The following LAMTOR1 variants were observed in gnomAD, a reference collection of about 807,000 sequenced individuals.
LAMTOR1 encodes the protein late endosomal/lysosomal adaptor, MAPK and MTOR activator 1.
A neutral mutation model predicts 20.5 loss-of-function variants in LAMTOR1; 8 were observed. That is an observed-to-expected ratio of 0.39 (90% CI 0.23 to 0.70). The LOEUF (loss-of-function observed/expected upper bound fraction) is 0.70, where lower values mean the gene tolerates loss of function less well. LAMTOR1 is among the 30% of genes least tolerant of loss of function. The pLI is 0.43. For missense variants in LAMTOR1, 135 were observed against 206.2 expected (o/e 0.65, Z 2.11); for synonymous variants, 77 against 80.9 (o/e 0.95, Z 0.26).
At chr11:72,098,142 C>A (rs967407085) in intron 4 of LAMTOR1, 147 bp downstream of exon 4, 1 of 1,112,952 alleles carries the variant, frequency 9.0e-7, no homozygotes, top group Non-Finnish European at 1.3e-6. Flanking sequence ...GTTAAGAGAA[C>A]GAGGTGGGAG....
chr11:72,102,733 G>A (rs1357321665), intron 1 of LAMTOR1, among the ~76,000 whole-genome samples: 1 of 152,132 alleles, frequency 6.6e-6, no homozygotes. Flanking sequence ...CCTTCCTTCT[G>A]CAACCCCAGG....
chr11:72,098,362 G>A lies in LAMTOR1; in HGVS notation c.320C>T (p.Pro107Leu), dbSNP rs370829479. The A allele has an allele frequency of 2.8e-5, 45 of 1,612,576 alleles. No homozygotes were observed. Among genetic ancestry groups the A allele is most frequent in the South Asian group, 5.5e-5 (5 of 90,754 alleles). ...SSLTHWKKLP[P>L]LPSLTSQPHQ... ...GGGCTGGCTGGTAAGAGACGGCAGCGGTGGCAGCTTCTTCCAATGGGTCAG... is the reference window on the plus strand; with the variant it reads ...GGGCTGGCTGGTAAGAGACGGCAGCAGTGGCAGCTTCTTCCAATGGGTCAG... Residue 107 changes from proline to leucine, a missense_variant, in exon 4 of 5, where the codon CCG becomes CTG. Coordinates refer to ENST00000278671, the MANE Select transcript of LAMTOR1 (RefSeq NM_017907.3).
At position 72,097,465 on chromosome 11, in the gene LAMTOR1, GCAGGAGTGAC is replaced by G; in HGVS notation, c.*347_*356del. ...GTGAGCACCAAGTCAGGGAGAGGGG[GCAGGAGTGAC>G]TCTGAGGCCAACAGAGAGGGTGGGA... On this transcript the variant is annotated 3_prime_UTR_variant, in exon 5 of 5. Coordinates refer to ENST00000278671, the MANE Select transcript of LAMTOR1 (RefSeq NM_017907.3). 1 of 1,056,368 alleles carries G rather than the reference GCAGGAGTGAC, an allele frequency of 9.5e-7. No homozygotes were observed. Among genetic ancestry groups the G allele is most frequent in the Non-Finnish European group, 1.1e-6 (1 of 872,168 alleles). 65.4% of individuals were successfully genotyped at this position (1,056,368 alleles called of 1,614,324 possible).
intron 1 of LAMTOR1, among the ~76,000 whole-genome samples, chr11:72,100,261 A>C (rs1945390656): frequency 6.6e-6 from 1 of 152,140 alleles, no homozygotes; most frequent in South Asian, 2.1e-4. Flanking sequence ...ACCCCATCTC[A>C]AAACAAACAA....
Position 72,097,734 on chromosome 11 carries a change from T to C in LAMTOR1, c.*88A>G, listed in dbSNP as rs927372248. 6.2e-7 allele frequency: 1 copy of C among 1,606,040 alleles called. No homozygotes were observed. The highest frequency in any genetic ancestry group is 8.5e-7 in the Non-Finnish European group (1 of 1,176,660). The stretch of plus-strand genomic sequence containing the variant: ...TGTGATTAGTAGCAGGTTAGGGTAC[T>C]GTATAAGCCGCAGTGAGGCTGGGGG... On this transcript the variant is annotated 3_prime_UTR_variant, in exon 5 of 5. Coordinates refer to ENST00000278671, the MANE Select transcript of LAMTOR1 (RefSeq NM_017907.3).
chr11:72,099,824 C>G (rs1472338965), intron 1 of LAMTOR1, among the ~76,000 whole-genome samples: 8 of 152,182 alleles, frequency 5.3e-5, no homozygotes. Flanking sequence ...GGAATCCCAG[C>G]CCAGCTCTGG....
intron 2 of LAMTOR1, 77 bp from the exon 3 acceptor site, chr11:72,098,935 C>T (rs1357321032): frequency 7.2e-7 from 1 of 1,381,238 alleles, no homozygotes; most frequent in Non-Finnish European, 9.9e-7. Context: ...CAGGTACCAA[C>T]TCCAGGGCTA....
chr11:72,097,444 G>A lies in LAMTOR1; in HGVS notation c.*378C>T. ...ACAAACCCTAGTGAGGTGCATGTGAGCACCAAGTCAGGGAGAGGGGGCAGG... is the reference window on the plus strand; with the variant it reads ...ACAAACCCTAGTGAGGTGCATGTGAACACCAAGTCAGGGAGAGGGGGCAGG... On this transcript the variant is annotated 3_prime_UTR_variant, in exon 5 of 5. Transcript: ENST00000278671. 4 of 1,033,550 alleles carry A rather than the reference G, an allele frequency of 3.9e-6. No individual in the cohort carries two copies. The highest frequency in any genetic ancestry group is 4.7e-6 in the Non-Finnish European group (4 of 858,182). 64.0% of individuals were successfully genotyped at this position (1,033,550 alleles called of 1,614,324 possible).
chr11:72,097,317 GGGT>G lies in LAMTOR1; in HGVS notation c.*502_*504del. 1.0e-6 allele frequency: 1 copy of G among 995,162 alleles called. No individual in the cohort carries two copies. The allele number at this position is 995,162 out of a possible 1,614,324, so 61.6% of individuals were successfully genotyped here. A position where few individuals can be genotyped will look rare whatever the true frequency, so the allele number is the denominator to read the frequency against. Reference sequence around the variant, plus strand: ...TGGATGAATATACTTCCTTTATCGAGGGTGACAAACCAAAACAAAAAAAGACCA... The same window carrying G: ...TGGATGAATATACTTCCTTTATCGAGGACAAACCAAAACAAAAAAAGACCA... On this transcript the variant is annotated 3_prime_UTR_variant, in exon 5 of 5. Transcript: ENST00000278671.
chr11:72,097,352 T>C lies in LAMTOR1; in HGVS notation c.*470A>G. The C allele has an allele frequency of 2.0e-6, 2 of 995,620 alleles. No individual in the cohort carries two copies. Among genetic ancestry groups the C allele is most frequent in the Non-Finnish European group, 2.4e-6 (2 of 835,314 alleles). The allele number at this position is 995,620 out of a possible 1,614,324, so 61.7% of individuals were successfully genotyped here. A position where few individuals can be genotyped will look rare whatever the true frequency, so the allele number is the denominator to read the frequency against. ...CCAAAACAAAAAAAGACCAAACATG[T>C]AAAAACCCAGGGTTCTAGAAATACA... On this transcript the variant is annotated 3_prime_UTR_variant, in exon 5 of 5. Coordinates refer to ENST00000278671, the MANE Select transcript of LAMTOR1 (RefSeq NM_017907.3).
At position 72,098,244 on chromosome 11, in the gene LAMTOR1, G is replaced by C. The variant is rs749135163; in HGVS notation, c.393+45C>G. The C allele has an allele frequency of 8.7e-6, 14 of 1,610,786 alleles. No individual in the cohort carries two copies. In the East Asian group the frequency reaches 3.1e-4, roughly 36 times the overall value. On this transcript the variant is annotated intron_variant, in intron 4 of 4. Transcript: ENST00000278671. ...TGGGTGAACCCTCTGCCATACCCTGGGCAGTGTGAGAAGGGTGGGCAGGGG... is the reference window on the plus strand; with the variant it reads ...TGGGTGAACCCTCTGCCATACCCTGCGCAGTGTGAGAAGGGTGGGCAGGGG...
Position 72,097,887 on chromosome 11 carries a change from T to G in LAMTOR1, c.421A>C (p.Ser141Arg), listed in dbSNP as rs532540825. The G allele has an allele frequency of 6.2e-7, 1 of 1,608,160 alleles. No homozygotes were observed. The highest frequency in any genetic ancestry group is 1.7e-5 in the Admixed American group (1 of 59,750). Residue 141 changes from serine (S) to arginine (R), a missense_variant, in exon 5 of 5, where the codon AGT becomes CGT. By Grantham distance (110) the Ser-to-Arg change is moderately radical. Transcript: ENST00000278671. Reference protein sequence around the residue: ...QVSRIAAYAYSALSQIRVDAK... With the variant: ...QVSRIAAYAYRALSQIRVDAK... ...TCCACACGGATCTGAGAAAGTGCAC[T>G]GTAGGCATAAGCAGCTATCCTGGAG... is the stretch of plus-strand genomic sequence containing the variant.
chr11:72,098,209 T>C, intron 4 of LAMTOR1, 80 bp downstream of exon 4: 1 of 1,568,756 alleles, frequency 6.4e-7, no homozygotes, highest in Non-Finnish European at 8.7e-7. Flanking sequence ...CTACCTCCTC[T>C]GAGGCAGAGT....
Position 72,103,263 on chromosome 11 carries a change from G to A in LAMTOR1, c.-39C>T, listed in dbSNP as rs774212605. 8.4e-6 allele frequency: 13 copies of A among 1,548,368 alleles called. No homozygotes were observed. The highest frequency in any genetic ancestry group is 1.8e-4 in the Middle Eastern group (1 of 5,622). On this transcript the variant is annotated 5_prime_UTR_variant, in exon 1 of 5. Transcript: ENST00000278671. ...CCGGGCGCTCAGGCCGCGCCGAGGA[G>A]GGACGGCGTCCGTGAGGAGCCCTTC...
In LAMTOR1 at chr11:72,098,843, C is replaced by A; in HGVS notation, c.204G>T (p.Val68=). Residue 68 remains valine (V), a synonymous_variant, in exon 3 of 5, where the codon GTG becomes GTT. Coordinates refer to ENST00000278671, the MANE Select transcript of LAMTOR1 (RefSeq NM_017907.3). The stretch of plus-strand genomic sequence containing the variant: ...CCATGCCCTGTGAGTCTGCAGCAGA[C>A]ACATCAATGATGTTGCTATGGGGAG... ...LAKTASNIID[V]SAADSQGMEQ... is the part of the protein sequence containing the mutation. The A allele has an allele frequency of 1.3e-6, 2 of 1,550,746 alleles. No individual in the cohort carries two copies. The highest frequency in any genetic ancestry group is 2.4e-5 in the East Asian group (1 of 40,912).
At chr11:72,101,422 T>C (rs1303653776) in intron 1 of LAMTOR1, among the ~76,000 whole-genome samples, 2 of 152,166 alleles carry the variant, frequency 1.3e-5, no homozygotes, top group African/African-American at 4.8e-5. Flanking sequence ...ATGGATAAAG[T>C]ACATGGCCTA....
intron 1 of LAMTOR1, among the ~76,000 whole-genome samples, chr11:72,101,470 G>A (rs1945436426): frequency 6.6e-6 from 1 of 152,182 alleles, no homozygotes; most frequent in Non-Finnish European, 1.5e-5. Context: ...TCTCAGCTTG[G>A]CCAAATCACT....
At chr11:72,099,770 A>C (rs919152457) in intron 1 of LAMTOR1, among the ~76,000 whole-genome samples, 1 of 152,166 alleles carries the variant, frequency 6.6e-6, no homozygotes, top group Non-Finnish European at 1.5e-5. Context: ...AAGAGAAAGC[A>C]AGCCCAACCT....
At chr11:72,098,046 G>C (rs1383801867) in intron 4 of LAMTOR1, 132 bp from the exon 5 acceptor site, 4 of 1,184,774 alleles carry the variant, frequency 3.4e-6, no homozygotes, top group East Asian at 2.4e-5. Flanking sequence ...CAAAGAGAAA[G>C]ACAGGGATGG....
Sources: gnomAD v4.1 joint callset for allele counts (sites outside exome capture counted in the v4.1 genomes callset) on GRCh38, gnomAD v4.1.1 for gene constraint, MANE v1.5 for transcripts, NCBI Gene and HGNC (gene_info 2026-07-23, HGNC 2026-07-21) for gene names.